BNC2: variants seen among roughly 807,000 people sequenced by gnomAD.
The protein encoded by BNC2 is zinc finger protein basonuclin-2.
Under a neutral mutation model 76.3 loss-of-function variants are expected in BNC2, and 20 were observed. That is an observed-to-expected ratio of 0.26 (90% CI 0.18 to 0.38). The LOEUF (loss-of-function observed/expected upper bound fraction) is 0.38, where lower values mean the gene tolerates loss of function less well. Ranked by LOEUF, BNC2 falls within the 10% of genes least tolerant of loss-of-function variation. The pLI is 1.00. For missense variants in BNC2, 1,382 were observed against 1,399.8 expected, an observed-to-expected ratio of 0.99 and a Z score of 0.20; for synonymous variants, 582 against 514.8, an observed-to-expected ratio of 1.13 and a Z score of -1.77.
rs1431242820 is a variant in BNC2, at chr9:16,410,180, T to C, written c.*8809A>G. On this transcript the variant is annotated 3_prime_UTR_variant, in exon 7 of 7. Coordinates refer to ENST00000380672, the MANE Select transcript of BNC2 (RefSeq NM_017637.6). ...TCACCAGCAGGAGAGAACAGAGAAC[T>C]GGCTTTCCCAGATCCCCAACCAGCC... 6.6e-6 allele frequency: 1 copy of C among 152,182 alleles called. No individual in the cohort carries two copies. Among genetic ancestry groups the C allele is most frequent in the East Asian group, 1.9e-4 (1 of 5,182 alleles). The allele number at this position is 152,182 out of a possible 1,614,324, so 9.4% of individuals were successfully genotyped here. A position where few individuals can be genotyped will look rare whatever the true frequency, so the allele number is the denominator to read the frequency against.
chr9:16,550,768 G>C (rs73417475), intron 5 of BNC2, among the ~76,000 whole-genome samples: 3,440 of 152,262 alleles, frequency 0.023, 134 homozygotes, highest in African/African-American at 0.079. Flanking sequence ...AGGTAATAAA[G>C]ATGGTACCAG....
chr9:16,467,274 C>T (rs1379549561), intron 5 of BNC2, among the ~76,000 whole-genome samples: 3 of 102,204 alleles, frequency 2.9e-5, no homozygotes, highest in Non-Finnish European at 5.8e-5. Context: ...GTCAGTGTGG[C>T]GATTCCTCAG....
chr9:16,521,828 A>G (rs1364603853), intron 5 of BNC2, among the ~76,000 whole-genome samples: 6 of 152,218 alleles, frequency 3.9e-5, no homozygotes, highest in Non-Finnish European at 1.5e-5. Context: ...CCACAGCAAG[A>G]AATCCATGGG....
intron 1 of BNC2, among the ~76,000 whole-genome samples, chr9:16,750,345 GCT>G (rs1825151575): frequency 6.6e-6 from 1 of 152,142 alleles, no homozygotes; most frequent in African/African-American, 2.4e-5. Context: ...CTAAAATTAT[GCT>G]CTATCTTCAA....
chr9:16,727,094 A>G (rs1300539362), intron 3 of BNC2: 1 of 152,448 alleles, frequency 6.6e-6, no homozygotes. Flanking sequence ...GAAGACGCCG[A>G]GGCTGCGCCC....
At chr9:16,420,082 G>T (rs1340343389) in intron 6 of BNC2, among the ~76,000 whole-genome samples, 1 of 151,996 alleles carries the variant, frequency 6.6e-6, no homozygotes, top group Admixed American at 6.6e-5. Context: ...CTAAAAACAA[G>T]AAAAAGTAAA....
chr9:16,653,908 G>A (rs1821857237), intron 3 of BNC2, among the ~76,000 whole-genome samples: 1 of 152,070 alleles, frequency 6.6e-6, no homozygotes, highest in Non-Finnish European at 1.5e-5. Context: ...ACTGCTCTTT[G>A]CTTTTCGCCT....
At chr9:16,591,588 G>A (rs1819930520) in intron 3 of BNC2, among the ~76,000 whole-genome samples, 1 of 152,088 alleles carries the variant, frequency 6.6e-6, no homozygotes, top group South Asian at 2.1e-4. Flanking sequence ...AATGCACACA[G>A]AATTTACATG....
chr9:16,444,158 C>A (rs1821184541), intron 5 of BNC2, among the ~76,000 whole-genome samples: 1 of 152,124 alleles, frequency 6.6e-6, no homozygotes, highest in African/African-American at 2.4e-5. Context: ...GCAAGACAAT[C>A]CACTGTGACA....
intron 5 of BNC2, among the ~76,000 whole-genome samples, chr9:16,468,854 C>A (rs1370515867): frequency 6.6e-6 from 1 of 152,164 alleles, no homozygotes; most frequent in Admixed American, 6.6e-5. Flanking sequence ...GAGGTGCATA[C>A]TCATATACCT....
At chr9:16,754,365 A>G (rs776109713) in intron 1 of BNC2, among the ~76,000 whole-genome samples, 6 of 152,192 alleles carry the variant, frequency 3.9e-5, no homozygotes, top group Non-Finnish European at 7.3e-5. Context: ...TTATCAGTAC[A>G]TGAGTCTGAT....
chr9:16,850,929 A>G (rs1479620329), intron 1 of BNC2, among the ~76,000 whole-genome samples: 1 of 152,214 alleles, frequency 6.6e-6, no homozygotes, highest in Non-Finnish European at 1.5e-5. Flanking sequence ...TGCTAGCACC[A>G]AAGACGCTTA....
At chr9:16,805,854 G>A (rs1010071953) in intron 1 of BNC2, among the ~76,000 whole-genome samples, 17 of 152,076 alleles carry the variant, frequency 1.1e-4, no homozygotes, top group African/African-American at 4.1e-4. Context: ...AAAGTTTGAT[G>A]CTCAGGCATT....
Position 16,415,316 on chromosome 9 carries a change from A to G in BNC2, c.*3673T>C, listed in dbSNP as rs1054119537. The G allele has an allele frequency of 6.5e-6, 1 of 152,688 alleles. No homozygotes were observed. Among genetic ancestry groups the G allele is most frequent in the Non-Finnish European group, 1.5e-5 (1 of 68,040 alleles). The allele number at this position is 152,688 out of a possible 1,614,324, so 9.5% of individuals were successfully genotyped here. A position where few individuals can be genotyped will look rare whatever the true frequency, so the allele number is the denominator to read the frequency against. On this transcript the variant is annotated 3_prime_UTR_variant, in exon 7 of 7. Transcript: ENST00000380672. ...TGCAGATATTCCCGAAAGCGGACTAAACCTGATATTTACAAAAACATAGTT... is the reference window on the plus strand; with the variant it reads ...TGCAGATATTCCCGAAAGCGGACTAGACCTGATATTTACAAAAACATAGTT...
At chr9:16,593,134 CA>C (rs879819454) in intron 3 of BNC2, among the ~76,000 whole-genome samples, 74 of 141,698 alleles carry the variant, frequency 5.2e-4, no homozygotes, top group South Asian at 2.3e-3. Flanking sequence ...TGTATACCAG[CA>C]AAAAAAAAAA....
intron 1 of BNC2, among the ~76,000 whole-genome samples, chr9:16,751,616 G>GTA (rs1189770509): frequency 1.1e-4 from 1 of 9,086 alleles, no homozygotes; most frequent in Middle Eastern, 0.038. Context: ...ATATATATAT[G>GTA]TGTATATATA....
intron 3 of BNC2, among the ~76,000 whole-genome samples, chr9:16,654,265 T>C (rs1240815275): frequency 6.6e-6 from 1 of 152,186 alleles, no homozygotes; most frequent in Non-Finnish European, 1.5e-5. Context: ...CAACACCATT[T>C]ATTTTTGTTG....
chr9:16,781,468 G>A (rs961105817), intron 1 of BNC2, among the ~76,000 whole-genome samples: 1 of 152,142 alleles, frequency 6.6e-6, no homozygotes, highest in Non-Finnish European at 1.5e-5. Flanking sequence ...TCAGCCACCC[G>A]AGCAGCTGGG....
At chr9:16,606,432 GT>G (rs1820386990) in intron 3 of BNC2, among the ~76,000 whole-genome samples, 1 of 151,988 alleles carries the variant, frequency 6.6e-6, no homozygotes, top group Non-Finnish European at 1.5e-5. Flanking sequence ...ATTCCCACAT[GT>G]TGTGGGACAG....
Sources: allele counts gnomAD v4.1 joint callset (sites outside exome capture counted in the v4.1 genomes callset), GRCh38; gene constraint gnomAD v4.1.1; transcripts MANE v1.5; gene names NCBI Gene and HGNC (gene_info 2026-07-23, HGNC 2026-07-21).